DTHD1: variants seen among roughly 807,000 people sequenced by gnomAD.
DTHD1 encodes death domain containing 1.
DTHD1 carries 59 observed loss-of-function variants against 74.8 expected under a neutral mutation model. That is an observed-to-expected ratio of 0.79 (90% confidence interval 0.64 to 0.98). The LOEUF (loss-of-function observed/expected upper bound fraction) is 0.98. DTHD1 is among the 50% of genes least tolerant of loss of function. The probability of loss-of-function intolerance (pLI) is 0.00; values close to 1 mark genes in which losing one functional copy is unlikely to be tolerated. For synonymous variants in DTHD1, 365 were observed against 371.1 expected (o/e 0.98, Z 0.19); for missense variants, 1,051 against 1,065.4 (o/e 0.99, Z 0.19).
At position 36,316,434 on chromosome 4, in the gene DTHD1, A is replaced by G; in HGVS notation, c.2288A>G (p.Asn763Ser). The G allele has an allele frequency of 6.4e-7, 1 of 1,551,558 alleles. No homozygotes were observed. Among genetic ancestry groups the G allele is most frequent in the East Asian group, 2.4e-5 (1 of 40,904 alleles). Reference protein sequence around the residue: ...VPNLNQSLVINENHSQLPICK... With the variant: ...VPNLNQSLVISENHSQLPICK... Reference sequence around the variant, plus strand: ...AACTTGAATCAATCTCTCGTAATTAATGAAAACCATTCTCAGTTGCCAATT... The same window carrying G: ...AACTTGAATCAATCTCTCGTAATTAGTGAAAACCATTCTCAGTTGCCAATT... Residue 763 changes from asparagine (N) to serine (S), a missense_variant, in exon 8 of 10, where the codon AAT becomes AGT. Coordinates refer to ENST00000639862, the MANE Select transcript of DTHD1 (RefSeq NM_001170700.3).
At chr4:36,328,454 A>C (rs1192778223) in intron 8 of DTHD1, among the ~76,000 whole-genome samples, 1 of 152,162 alleles carries the variant, frequency 6.6e-6, no homozygotes, top group Non-Finnish European at 1.5e-5. Flanking sequence ...TAATGTACTT[A>C]TTTAGAAAAA....
At position 36,343,866 on chromosome 4, in the gene DTHD1, G is replaced by A. The variant is rs1280225242; in HGVS notation, c.*42G>A. 5.4e-6 allele frequency: 8 copies of A among 1,474,616 alleles called. No homozygotes were observed. The highest frequency in any genetic ancestry group is 4.9e-5 in the Admixed American group (2 of 41,156). 91.3% of individuals were successfully genotyped at this position (1,474,616 alleles called of 1,614,324 possible). On this transcript the variant is annotated 3_prime_UTR_variant, in exon 10 of 10. Coordinates refer to ENST00000639862, the MANE Select transcript of DTHD1 (RefSeq NM_001170700.3). ...CCTTTACCCCTAGGAAAAGGCACAC[G>A]GTGGGTTTTTGTTTCTGTCAACATT...
intron 6 of DTHD1, among the ~76,000 whole-genome samples, chr4:36,307,770 A>T (rs1432091615): frequency 6.6e-6 from 1 of 152,250 alleles, no homozygotes; most frequent in Non-Finnish European, 1.5e-5. Flanking sequence ...TTAAAATATC[A>T]CTTAAAATAT....
rs755904182 is a variant in DTHD1 at position 36,347,264 on chromosome 4, C to T, written c.*3440C>T. 6.6e-6 allele frequency among the ~76,000 whole-genome samples: 1 copy of T among 152,032 alleles called. No individual in the cohort carries two copies. On this transcript the variant is annotated 3_prime_UTR_variant, in exon 10 of 10. Coordinates refer to ENST00000639862, the MANE Select transcript of DTHD1 (RefSeq NM_001170700.3). ...TGAAATTGGTTAAAATGAAATTTTG[C>T]AGTATATATTCTTTTATGTTTGACT...
rs147279001 is a variant in DTHD1 at position 36,290,070 on chromosome 4, A to C, written c.888-303A>C. 9.8e-5 allele frequency among the ~76,000 whole-genome samples: 15 copies of C among 152,328 alleles called. No homozygotes were observed. In the East Asian group the frequency reaches 2.9e-3, roughly 29 times the overall value. On this transcript the variant is annotated intron_variant, in intron 2 of 9. Coordinates refer to ENST00000639862, the MANE Select transcript of DTHD1 (RefSeq NM_001170700.3). Reference sequence around the variant, plus strand: ...TTGCTTAAATAACAATAGTAACAAAAGTAATTATAGCTAATATATATAACA... The same window carrying C: ...TTGCTTAAATAACAATAGTAACAAACGTAATTATAGCTAATATATATAACA...
intron 5 of DTHD1, among the ~76,000 whole-genome samples, chr4:36,298,203 T>G (rs571057185): frequency 1.7e-4 from 26 of 152,218 alleles, no homozygotes; most frequent in Middle Eastern, 6.8e-3. Flanking sequence ...GCTCTTTTTT[T>G]TGTGTGTGTG....
Position 36,316,298 on chromosome 4 carries a change from C to G in DTHD1, c.2152C>G (p.Pro718Ala). 1 of 1,551,776 alleles carries G rather than the reference C, an allele frequency of 6.4e-7. No individual in the cohort carries two copies. Among genetic ancestry groups the G allele is most frequent in the East Asian group, 2.4e-5 (1 of 40,898 alleles). The change falls in exon 8 of 10, where the codon CCT (proline) becomes GCT (alanine). Residue 718 changes from proline to alanine, a missense_variant. Transcript: ENST00000639862. ...YTLIFHLQRK[P>A]RLELQIKEVD... ...ACTTATTTTTCACTTGCAAAGAAAA[C>G]CTAGGCTGGAACTCCAAATCAAAGA... is the stretch of plus-strand genomic sequence containing the variant.
rs1169364413 is a variant in DTHD1 at position 36,316,230 on chromosome 4, A to G, written c.2096-12A>G. On this transcript the variant is annotated splice_polypyrimidine_tract_variant and intron_variant, in intron 7 of 9. Transcript: ENST00000639862. ...AACTTAATGGTAATAAATACATTTTACTTCTATTTAGGCAACGGGAAGGAT... is the reference window on the plus strand; with the variant it reads ...AACTTAATGGTAATAAATACATTTTGCTTCTATTTAGGCAACGGGAAGGAT... The G allele has an allele frequency of 6.5e-7, 1 of 1,547,410 alleles. No individual in the cohort carries two copies. Among genetic ancestry groups the G allele is most frequent in the Admixed American group, 2.0e-5 (1 of 50,006 alleles).
intron 2 of DTHD1, among the ~76,000 whole-genome samples, chr4:36,289,169 T>G (rs577007324): frequency 6.8e-4 from 104 of 152,348 alleles, no homozygotes; most frequent in African/African-American, 2.4e-3. Flanking sequence ...GATCCTCTTA[T>G]TTCTCTTCAA....
intron 5 of DTHD1, among the ~76,000 whole-genome samples, chr4:36,300,523 G>C (rs981723992): frequency 6.7e-6 from 1 of 149,946 alleles, no homozygotes. Flanking sequence ...TTGGAGAGGG[G>C]TTTGGAAAAT....
At chr4:36,334,347 T>C (rs1422077404) in intron 8 of DTHD1, among the ~76,000 whole-genome samples, 2 of 133,016 alleles carry the variant, frequency 1.5e-5, no homozygotes, top group East Asian at 4.3e-4. Context: ...TGCCTACTTT[T>C]ATTTTTTTTG....
At chr4:36,308,015 C>A (rs968994284) in intron 6 of DTHD1, among the ~76,000 whole-genome samples, 189 bp from the exon 7 acceptor site, 2 of 152,172 alleles carry the variant, frequency 1.3e-5, no homozygotes, top group Non-Finnish European at 2.9e-5. Flanking sequence ...CTGTGCCCAG[C>A]CTGAGCTGGT....
At chr4:36,308,575 C>A in intron 7 of DTHD1, 82 bp downstream of exon 7, 2 of 1,125,046 alleles carry the variant, frequency 1.8e-6, no homozygotes, top group Non-Finnish European at 2.5e-6. Context: ...ACTTGTGTTA[C>A]TAAGGAAACC....
intron 7 of DTHD1, among the ~76,000 whole-genome samples, chr4:36,314,213 G>T (rs748737642): frequency 6.6e-6 from 1 of 151,730 alleles, no homozygotes; most frequent in East Asian, 1.9e-4. Context: ...TCACCAAAAT[G>T]ATCTCAAGCA....
At chr4:36,341,121 G>A (rs1422971686) in intron 9 of DTHD1, among the ~76,000 whole-genome samples, 2 of 152,198 alleles carry the variant, frequency 1.3e-5, no homozygotes, top group Admixed American at 1.3e-4. Flanking sequence ...AGAGGTTTAA[G>A]TAGTGAGTTG....
chr4:36,310,695 G>A (rs1757348035), intron 7 of DTHD1, among the ~76,000 whole-genome samples: 1 of 152,194 alleles, frequency 6.6e-6, no homozygotes, highest in Non-Finnish European at 1.5e-5. Flanking sequence ...GACAAGGCTT[G>A]AAGCTGATGC....
chr4:36,320,661 T>A (rs1187822825), intron 8 of DTHD1, among the ~76,000 whole-genome samples: 1 of 152,208 alleles, frequency 6.6e-6, no homozygotes, highest in Non-Finnish European at 1.5e-5. Context: ...CTGTGGGAAC[T>A]TTTTTCTTTT....
intron 8 of DTHD1, among the ~76,000 whole-genome samples, chr4:36,325,009 T>G (rs1000840993): frequency 2.6e-4 from 39 of 152,202 alleles, no homozygotes; most frequent in African/African-American, 9.2e-4. Flanking sequence ...GTAGAAACTT[T>G]GAAGTGGTCA....
chr4:36,311,933 A>G (rs1325725369), intron 7 of DTHD1, among the ~76,000 whole-genome samples: 1 of 152,228 alleles, frequency 6.6e-6, no homozygotes, highest in Non-Finnish European at 1.5e-5. Context: ...AGAAATGCCA[A>G]AATCTCTCTA....
Sources: gnomAD v4.1 joint callset for allele counts (sites outside exome capture counted in the v4.1 genomes callset) on GRCh38, gnomAD v4.1.1 for gene constraint, MANE v1.5 for transcripts, NCBI Gene and HGNC (gene_info 2026-07-23, HGNC 2026-07-21) for gene names.